The following LRP2 variants were observed in gnomAD, a reference collection of about 807,000 sequenced individuals.
The protein encoded by LRP2 is low-density lipoprotein receptor-related protein 2.
LRP2 carries 172 observed loss-of-function variants against 531.0 expected under a neutral mutation model. The observed-to-expected ratio is 0.32, with a 90% CI of 0.29 to 0.37. LRP2 has a LOEUF of 0.37. Ranked by LOEUF, LRP2 falls within the 10% of genes least tolerant of loss-of-function variation. The probability of loss-of-function intolerance (pLI) is 1.00; values close to 1 mark genes in which losing one functional copy is unlikely to be tolerated. For synonymous variants in LRP2, 1,992 were observed against 2,027.6 expected (o/e 0.98, Z 0.47); for missense variants, 5,167 against 5,868.3 (o/e 0.88, Z 3.90).
intron 1 of LRP2, among the ~76,000 whole-genome samples, chr2:169,340,604 G>A (rs1309440963): frequency 1.3e-5 from 2 of 152,164 alleles, no homozygotes; most frequent in Admixed American, 6.5e-5. Context: ...ATAGAGAAAG[G>A]ATGGCTATGG....
At chr2:169,293,411 C>T (rs537115494) in intron 6 of LRP2, among the ~76,000 whole-genome samples, 3 of 152,290 alleles carry the variant, frequency 2.0e-5, no homozygotes, top group African/African-American at 7.2e-5. Flanking sequence ...CGTGGTGGCT[C>T]ATACCCATAA....
chr2:169,307,655 T>A (rs1186606581), intron 3 of LRP2, among the ~76,000 whole-genome samples: 10 of 152,208 alleles, frequency 6.6e-5, no homozygotes, highest in African/African-American at 9.6e-5. Context: ...ATATAGATTT[T>A]AAAACTATAT....
intron 42 of LRP2, among the ~76,000 whole-genome samples, chr2:169,203,626 G>A (rs1041204745): frequency 5.9e-5 from 9 of 152,274 alleles, no homozygotes; most frequent in Admixed American, 2.6e-4. Flanking sequence ...TGGACACGTC[G>A]TGTGCCTGTA....
At position 169,320,759 on chromosome 2, in the gene LRP2, T is replaced by C. The variant is rs999402678; in HGVS notation, c.187+18A>G. 27 of 1,598,668 alleles carry C rather than the reference T, an allele frequency of 1.7e-5. No homozygotes were observed. The highest frequency in any genetic ancestry group is 2.2e-5 in the Non-Finnish European group (26 of 1,166,100). Reference sequence around the variant, plus strand: ...AGGTTACTCAAAATAGAACTTAGCCTGGCCCCTCCTCACTTACCGCAGCCA... The same window carrying C: ...AGGTTACTCAAAATAGAACTTAGCCCGGCCCCTCCTCACTTACCGCAGCCA... On this transcript the variant is annotated intron_variant, in intron 2 of 78. Transcript: ENST00000649046.
At chr2:169,217,527 T>G (rs1559022915) in intron 34 of LRP2, among the ~76,000 whole-genome samples, 1 of 152,122 alleles carries the variant, frequency 6.6e-6, no homozygotes, top group African/African-American at 2.4e-5. Context: ...ATATTCTTAT[T>G]TATTCTTTTG....
Position 169,152,783 on chromosome 2 carries a change from T to C in LRP2, c.12461+16A>G, listed in dbSNP as rs199774897. 1.9e-6 allele frequency: 3 copies of C among 1,613,660 alleles called. No individual in the cohort carries two copies. In the African/African-American group the frequency reaches 4.0e-5, roughly 22 times the overall value. On this transcript the variant is annotated intron_variant, in intron 67 of 78. Coordinates refer to ENST00000649046, the MANE Select transcript of LRP2 (RefSeq NM_004525.3). ...GAAAACAGAACAGGTAAGGGGGGAA[T>C]GTATGGCAAATTTACCTTCCAACCC...
At position 169,244,775 on chromosome 2, in the gene LRP2, A is replaced by G. The variant is rs1689941132; in HGVS notation, c.3348T>C (p.Cys1116=). The change falls in exon 22 of 79, where the codon TGT becomes TGC. Residue 1116 remains cysteine, a synonymous_variant. Transcript: ENST00000649046. The stretch of plus-strand genomic sequence containing the variant: ...TCTTTGAGATACACTGGTGATTATC[A>G]CAGGTGTATTGGGTGTCAAGGCAGG... ...PASCLDTQYT[C]DNHQCISKNW... The G allele has an allele frequency of 6.2e-6, 10 of 1,614,212 alleles. No individual in the cohort carries two copies. Among genetic ancestry groups the G allele is most frequent in the Non-Finnish European group, 8.5e-6 (10 of 1,180,036 alleles).
chr2:169,254,643 T>TAAAAAAAAAAAAAGAAAAAA (rs1690227034), intron 19 of LRP2, among the ~76,000 whole-genome samples: 4 of 73,264 alleles, frequency 5.5e-5, no homozygotes, highest in South Asian at 8.5e-4. Flanking sequence ...TAGAGTATAA[T>TAAAAAAAAAAAAAGAAAAAA]AAAAAAAAAA....
intron 53 of LRP2, 46 bp downstream of exon 53, chr2:169,177,757 A>T (rs368074916): frequency 1.3e-6 from 2 of 1,494,314 alleles, no homozygotes; most frequent in African/African-American, 2.8e-5. Context: ...CATGACATGC[A>T]CATAACCCAA....
chr2:169,268,058 A>G (rs907087256), intron 16 of LRP2, among the ~76,000 whole-genome samples: 4 of 152,232 alleles, frequency 2.6e-5, no homozygotes, highest in African/African-American at 9.6e-5. Context: ...TAAACCAGGA[A>G]GAAGCTGAAT....
chr2:169,205,105 A>G (rs1373224897), intron 41 of LRP2, among the ~76,000 whole-genome samples: 1 of 152,096 alleles, frequency 6.6e-6, no homozygotes, highest in Admixed American at 6.5e-5. Context: ...AAAACATAAT[A>G]TCAATTGGCA....
Position 169,238,138 on chromosome 2 carries a change from G to C in LRP2, c.4459C>G (p.Gln1487Glu). 1.2e-6 allele frequency: 2 copies of C among 1,614,172 alleles called. No homozygotes were observed. Among genetic ancestry groups the C allele is most frequent in the Non-Finnish European group, 1.7e-6 (2 of 1,180,006 alleles). Reference protein sequence around the residue: ...SGRIFWSDATQGKTWSAFQNG... With the variant: ...SGRIFWSDATEGKTWSAFQNG... The stretch of plus-strand genomic sequence containing the variant: ...TGAAACGCACTCCAGGTTTTACCCT[G>C]AGTTGCATCAGACCAAAAGATACGA... The change falls in exon 27 of 79, where the codon CAG (glutamine) becomes GAG (glutamate). Residue 1487 changes from glutamine (Q) to glutamate (E), a missense_variant. Gln to Glu is a conservative substitution (Grantham distance 29). Around this residue, in one of 6 missense-constraint regions of LRP2, gnomAD observed 2,811 missense variants for 3,058.0 expected, o/e 0.92. Transcript: ENST00000649046.
chr2:169,188,387 T>C lies in LRP2; in HGVS notation c.9033-122A>G, dbSNP rs2105306141. On this transcript the variant is annotated intron_variant, in intron 48 of 78. Coordinates refer to ENST00000649046, the MANE Select transcript of LRP2 (RefSeq NM_004525.3). ...TGCCAGGTCAACCATTTCGACAAGA[T>C]CACCAGTGTCCTTGATCCCCTTTCC... 4.4e-6 allele frequency: 4 copies of C among 901,540 alleles called. No homozygotes were observed. In the South Asian group the frequency reaches 5.5e-5, roughly 12 times the overall value. 55.8% of individuals were successfully genotyped at this position (901,540 alleles called of 1,614,324 possible). A position where few individuals can be genotyped will look rare whatever the true frequency, so the allele number is the denominator to read the frequency against.
At chr2:169,146,557 T>C (rs1006775902) in intron 69 of LRP2, among the ~76,000 whole-genome samples, 182 bp downstream of exon 69, 1 of 152,148 alleles carries the variant, frequency 6.6e-6, no homozygotes, top group Non-Finnish European at 1.5e-5. Flanking sequence ...ATTTAATTAT[T>C]GCTAATGAAC....
At chr2:169,196,364 G>A (rs1688005086) in intron 46 of LRP2, among the ~76,000 whole-genome samples, 1 of 152,168 alleles carries the variant, frequency 6.6e-6, no homozygotes, top group African/African-American at 2.4e-5. Context: ...CATGGATATA[G>A]ATTAGAATTT....
At chr2:169,171,120 A>G (rs1255502533) in intron 58 of LRP2, among the ~76,000 whole-genome samples, 1 of 152,004 alleles carries the variant, frequency 6.6e-6, no homozygotes, top group East Asian at 1.9e-4. Flanking sequence ...ATAGGATTCA[A>G]CATTGACTTT....
Position 169,154,607 on chromosome 2 carries a change from TAAAC to T in LRP2, c.12152-8_12152-5del, listed in dbSNP as rs1362398234. 1 of 1,613,296 alleles carries T rather than the reference TAAAC, an allele frequency of 6.2e-7. No individual in the cohort carries two copies. The highest frequency in any genetic ancestry group is 1.1e-5 in the South Asian group (1 of 91,070). ...AGTAGCAACAAAGGAGAGCTACCTG[TAAAC>T]AAACAAAGGGCTACTTTATCTGTTT... On this transcript the variant is annotated splice_polypyrimidine_tract_variant and splice_region_variant and intron_variant, in intron 65 of 78. Coordinates refer to ENST00000649046, the MANE Select transcript of LRP2 (RefSeq NM_004525.3).
chr2:169,135,272 C>A (rs1376299601), intron 76 of LRP2, among the ~76,000 whole-genome samples: 4 of 152,146 alleles, frequency 2.6e-5, no homozygotes, highest in Admixed American at 6.5e-5. Context: ...TTCCCTACAC[C>A]TCAAGCTCGG....
At chr2:169,309,489 C>T (rs912365391) in intron 3 of LRP2, among the ~76,000 whole-genome samples, 1 of 152,146 alleles carries the variant, frequency 6.6e-6, no homozygotes, top group African/African-American at 2.4e-5. Flanking sequence ...GAATCCTTTT[C>T]CCGTTTCTTG....
Sources: gnomAD v4.1 joint callset for allele counts (sites outside exome capture counted in the v4.1 genomes callset) on GRCh38, gnomAD v4.1.1 for gene constraint, gnomAD v4.1.1 regional missense constraint, MANE v1.5 for transcripts, NCBI Gene and HGNC (gene_info 2026-07-23, HGNC 2026-07-21) for gene names.